FHIT: variants seen among roughly 807,000 people sequenced by gnomAD.
The protein encoded by FHIT is fragile histidine triad diadenosine triphosphatase.
Under a neutral mutation model 17.9 loss-of-function variants are expected in FHIT, and 19 were observed. That is an observed-to-expected ratio of 1.06 (90% confidence interval 0.74 to 1.56). The LOEUF (loss-of-function observed/expected upper bound fraction) is 1.56. FHIT is among the 40% of genes most tolerant of loss of function. The pLI, the probability that FHIT is intolerant of heterozygous loss-of-function variation, is 0.00. For missense variants in FHIT, 248 were observed against 189.2 expected, an observed-to-expected ratio of 1.31 and a Z score of -1.82; for synonymous variants, 81 against 69.7, an observed-to-expected ratio of 1.16 and a Z score of -0.81.
At chr3:59,769,571 T>C (rs376612287) in intron 8 of FHIT, among the ~76,000 whole-genome samples, 1 of 152,222 alleles carries the variant, frequency 6.6e-6, no homozygotes, top group African/African-American at 2.4e-5. Context: ...TATAATTACT[T>C]ACCGCAAGCT....
chr3:60,069,928 C>A (rs1576025367), intron 5 of FHIT, among the ~76,000 whole-genome samples: 1 of 152,204 alleles, frequency 6.6e-6, no homozygotes, highest in African/African-American at 2.4e-5. Flanking sequence ...CTGTCTAGCA[C>A]ACTTTTCTCC....
At chr3:61,189,092 G>A (rs1178655384) in intron 2 of FHIT, among the ~76,000 whole-genome samples, 3 of 152,142 alleles carry the variant, frequency 2.0e-5, no homozygotes, top group Non-Finnish European at 4.4e-5. Context: ...GGGCGATCAG[G>A]CAGGAGAAGG....
chr3:60,503,261 T>C (rs1424664057), intron 5 of FHIT, among the ~76,000 whole-genome samples: 4 of 152,236 alleles, frequency 2.6e-5, no homozygotes, highest in African/African-American at 9.6e-5. Flanking sequence ...AAAATTAGCA[T>C]ATATTAGGAA....
intron 5 of FHIT, among the ~76,000 whole-genome samples, chr3:60,019,209 A>G (rs79938157): frequency 0.021 from 3,140 of 152,220 alleles, 52 homozygotes; most frequent in South Asian, 0.083. Flanking sequence ...ATTGTCCCAC[A>G]TTCTATCGGT....
At chr3:60,827,600 G>A (rs2106798937) in intron 3 of FHIT, among the ~76,000 whole-genome samples, 1 of 152,302 alleles carries the variant, frequency 6.6e-6, no homozygotes, top group African/African-American at 2.4e-5. Context: ...TAATTTGTCT[G>A]AGTAAGTACT....
chr3:60,602,760 C>T (rs2038486001), intron 4 of FHIT, among the ~76,000 whole-genome samples: 1 of 152,062 alleles, frequency 6.6e-6, no homozygotes, highest in Non-Finnish European at 1.5e-5. Flanking sequence ...TCCAAGGTGA[C>T]AGTATTAGGC....
chr3:60,944,971 C>T (rs1052172005), intron 3 of FHIT, among the ~76,000 whole-genome samples: 9 of 152,088 alleles, frequency 5.9e-5, no homozygotes, highest in East Asian at 3.8e-4. Flanking sequence ...TCCAGTGTCA[C>T]GGAAGTTATA....
chr3:60,237,680 G>A (rs186664297), intron 5 of FHIT, among the ~76,000 whole-genome samples: 27 of 152,192 alleles, frequency 1.8e-4, no homozygotes, highest in African/African-American at 6.5e-4. Context: ...CCCCATACTT[G>A]CATTCGGTTT....
intron 2 of FHIT, among the ~76,000 whole-genome samples, chr3:61,047,735 C>T (rs976035922): frequency 2.6e-5 from 4 of 151,846 alleles, no homozygotes; most frequent in Non-Finnish European, 4.4e-5. Context: ...CAAACTATAC[C>T]ACAAGGCTAC....
At chr3:61,128,503 C>G (rs557165434) in intron 2 of FHIT, among the ~76,000 whole-genome samples, 21 of 152,152 alleles carry the variant, frequency 1.4e-4, no homozygotes, top group African/African-American at 5.1e-4. Flanking sequence ...ATTTTCAGAG[C>G]TGAAATGCGC....
chr3:59,795,370 C>CAAGA (rs1393853689), intron 8 of FHIT, among the ~76,000 whole-genome samples: 1 of 144,310 alleles, frequency 6.9e-6, no homozygotes, highest in Admixed American at 7.3e-5. Context: ...GGTGACAGAG[C>CAAGA]AAGACCCTGT....
At chr3:60,689,738 GA>G (rs1286748893) in intron 4 of FHIT, among the ~76,000 whole-genome samples, 1 of 152,020 alleles carries the variant, frequency 6.6e-6, no homozygotes, top group Non-Finnish European at 1.5e-5. Flanking sequence ...TCTACCCCTA[GA>G]AAAATGAGAA....
intron 3 of FHIT, among the ~76,000 whole-genome samples, chr3:60,947,806 A>G (rs1196725465): frequency 6.6e-6 from 1 of 152,218 alleles, no homozygotes; most frequent in Non-Finnish European, 1.5e-5. Context: ...AAGAATTCCA[A>G]CTTCAGGCAG....
intron 2 of FHIT, among the ~76,000 whole-genome samples, chr3:61,184,350 A>C (rs1319166261): frequency 6.6e-6 from 1 of 152,124 alleles, no homozygotes; most frequent in Non-Finnish European, 1.5e-5. Context: ...ACATATATTA[A>C]ATAAGACACA....
chr3:60,126,338 G>A (rs901973263), intron 5 of FHIT, among the ~76,000 whole-genome samples: 1 of 152,088 alleles, frequency 6.6e-6, no homozygotes, highest in Non-Finnish European at 1.5e-5. Flanking sequence ...CCTTTATAAA[G>A]AAGTTCTCTG....
chr3:60,830,252 G>A (rs1290188399), intron 3 of FHIT, among the ~76,000 whole-genome samples: 1 of 151,034 alleles, frequency 6.6e-6, no homozygotes, highest in Non-Finnish European at 1.5e-5. Flanking sequence ...CCCAACCTAA[G>A]GACCATAAAG....
At chr3:60,441,860 T>A (rs1305013138) in intron 5 of FHIT, among the ~76,000 whole-genome samples, 2 of 140,824 alleles carry the variant, frequency 1.4e-5, no homozygotes, top group East Asian at 2.2e-4. Context: ...GTTGTGTTTT[T>A]TTTTTTTTAA....
At chr3:60,212,069 T>A (rs562576315) in intron 5 of FHIT, among the ~76,000 whole-genome samples, 397 of 152,310 alleles carry the variant, frequency 2.6e-3, no homozygotes, top group African/African-American at 9.1e-3. Flanking sequence ...ACGCCCAGCA[T>A]CGGACCTCAC....
At chr3:59,948,727 TTGAG>T (rs1185360005) in intron 7 of FHIT, among the ~76,000 whole-genome samples, 1 of 152,076 alleles carries the variant, frequency 6.6e-6, no homozygotes, top group Non-Finnish European at 1.5e-5. Context: ...GCTGGTGACG[TTGAG>T]TATCTTTTCA....
Sources: allele counts gnomAD v4.1 joint callset (sites outside exome capture counted in the v4.1 genomes callset), GRCh38; gene constraint gnomAD v4.1.1; transcripts MANE v1.5; gene names NCBI Gene and HGNC (gene_info 2026-07-23, HGNC 2026-07-21).